Variants in RCSD1 observed in about 807,000 individuals in gnomAD.
RCSD1 encodes RCSD domain containing 1.
RCSD1 carries 26 observed loss-of-function variants against 42.5 expected under a neutral mutation model. The ratio of observed to expected loss-of-function variants is 0.61; its 90% CI spans 0.45 to 0.85. RCSD1 has a LOEUF of 0.85. Ranked by LOEUF, RCSD1 falls within the 40% of genes least tolerant of loss-of-function variation. The pLI is 0.00. For synonymous variants in RCSD1, 220 were observed against 212.2 expected (o/e 1.04, Z -0.32); for missense variants, 571 against 528.3 (o/e 1.08, Z -0.79).
chr1:167,647,015 A>G (rs1203608497), intron 1 of RCSD1, among the ~76,000 whole-genome samples: 1 of 151,870 alleles, frequency 6.6e-6, no homozygotes, highest in Non-Finnish European at 1.5e-5. Flanking sequence ...CTGTAATCCC[A>G]GCTACTTGGG....
intron 1 of RCSD1, among the ~76,000 whole-genome samples, chr1:167,636,165 C>G (rs1657846573): frequency 6.6e-6 from 1 of 152,192 alleles, no homozygotes; most frequent in Non-Finnish European, 1.5e-5. Flanking sequence ...ATGAGGCTCA[C>G]CCTGTAGAGC....
At chr1:167,675,599 C>A (rs1204222872) in intron 1 of RCSD1, among the ~76,000 whole-genome samples, 1 of 152,136 alleles carries the variant, frequency 6.6e-6, no homozygotes, top group East Asian at 1.9e-4. Context: ...AGCTGTTTGA[C>A]TTGACCCAGA....
chr1:167,669,654 C>G (rs781371308), intron 1 of RCSD1, among the ~76,000 whole-genome samples: 2 of 152,232 alleles, frequency 1.3e-5, no homozygotes, highest in African/African-American at 2.4e-5. Flanking sequence ...GTTGCAGCTA[C>G]TGAATTATTA....
intron 1 of RCSD1, among the ~76,000 whole-genome samples, chr1:167,659,017 T>C (rs1470237103): frequency 6.6e-6 from 1 of 152,196 alleles, no homozygotes; most frequent in Non-Finnish European, 1.5e-5. Context: ...TATCAATATA[T>C]GAGGGTTCCT....
chr1:167,631,129 A>G (rs900062985), intron 1 of RCSD1, among the ~76,000 whole-genome samples: 5 of 152,216 alleles, frequency 3.3e-5, no homozygotes, highest in African/African-American at 1.2e-4. Context: ...TGCCAGAGGG[A>G]GGCCCCGCAC....
chr1:167,656,818 G>T (rs915792326), intron 1 of RCSD1, among the ~76,000 whole-genome samples: 4 of 152,204 alleles, frequency 2.6e-5, no homozygotes, highest in Non-Finnish European at 5.9e-5. Context: ...ACATTGGGAA[G>T]CTCTCCCTTT....
chr1:167,654,537 G>A (rs906249784), intron 1 of RCSD1, among the ~76,000 whole-genome samples: 6 of 152,200 alleles, frequency 3.9e-5, no homozygotes, highest in African/African-American at 1.4e-4. Context: ...GGGTTAAGCA[G>A]AAGTCAACAT....
intron 1 of RCSD1, among the ~76,000 whole-genome samples, chr1:167,653,383 T>C (rs2102208620): frequency 6.6e-6 from 1 of 152,350 alleles, no homozygotes; most frequent in Admixed American, 6.5e-5. Context: ...GCAGTGGTTC[T>C]CAACTCTGGA....
chr1:167,661,048 A>G (rs1401250842), intron 1 of RCSD1, among the ~76,000 whole-genome samples: 2 of 152,222 alleles, frequency 1.3e-5, no homozygotes, highest in African/African-American at 4.8e-5. Flanking sequence ...AGCATGTTCT[A>G]TCCCCAACAT....
chr1:167,683,851 A>G lies in RCSD1; in HGVS notation c.7-49A>G, dbSNP rs773585640. 9 of 1,562,240 alleles carry G rather than the reference A, an allele frequency of 5.8e-6. No individual in the cohort carries two copies. The East Asian group carries it at 1.1e-4, about 20-fold the overall frequency. On this transcript the variant is annotated intron_variant, in intron 1 of 6. Coordinates refer to ENST00000367854, the MANE Select transcript of RCSD1 (RefSeq NM_052862.4). ...CCACAAAACAGGTGCCTTGCATGGC[A>G]TCTGGTACCCATTTGCTGATTAACT...
intron 1 of RCSD1, among the ~76,000 whole-genome samples, chr1:167,631,852 G>T (rs147971291): frequency 6.6e-6 from 1 of 152,230 alleles, no homozygotes. Context: ...CTCTAAAGGG[G>T]CAATAAGTTT....
Position 167,694,178 on chromosome 1 carries a change from C to G in RCSD1, c.350C>G (p.Pro117Arg), listed in dbSNP as rs1350745903. The G allele has an allele frequency of 1.9e-6, 3 of 1,614,194 alleles. No individual in the cohort carries two copies. The highest frequency in any genetic ancestry group is 3.3e-5 in the Admixed American group (2 of 60,032). The change falls in exon 5 of 7, where the codon CCA becomes CGA. Residue 117 changes from proline to arginine, a missense_variant. Physicochemically the swap from Pro to Arg is moderately radical, Grantham distance 103. Transcript: ENST00000367854. ...KSPGLKAMVS[P>R]FHSPPSTPSS... is the part of the protein sequence containing the mutation. ...CCTGGACTCAAGGCTATGGTGTCGC[C>G]ATTTCACAGCCCACCTTCTACCCCC...
At chr1:167,643,186 C>T (rs1658050758) in intron 1 of RCSD1, among the ~76,000 whole-genome samples, 1 of 152,148 alleles carries the variant, frequency 6.6e-6, no homozygotes, top group South Asian at 2.1e-4. Context: ...TTCACAAATG[C>T]ATGGTGGTGG....
intron 1 of RCSD1, among the ~76,000 whole-genome samples, chr1:167,673,925 A>G (rs1658873746): frequency 6.6e-6 from 1 of 152,118 alleles, no homozygotes; most frequent in Non-Finnish European, 1.5e-5. Context: ...TCCCTGATTC[A>G]CCTAAGCAGG....
chr1:167,686,407 T>C (rs766463173), intron 3 of RCSD1, among the ~76,000 whole-genome samples: 2 of 152,190 alleles, frequency 1.3e-5, no homozygotes, highest in Non-Finnish European at 2.9e-5. Context: ...AATGCCTACA[T>C]TTTCTCATCT....
chr1:167,703,873 C>A (rs1314494169), intron 6 of RCSD1, among the ~76,000 whole-genome samples: 1 of 152,150 alleles, frequency 6.6e-6, no homozygotes, highest in East Asian at 1.9e-4. Context: ...TTTAACCCAG[C>A]CCTCACTGGT....
Position 167,675,356 on chromosome 1 carries a change from G to A in RCSD1, c.7-8544G>A, listed in dbSNP as rs12736434. On this transcript the variant is annotated intron_variant, in intron 1 of 6. Coordinates refer to ENST00000367854, the MANE Select transcript of RCSD1 (RefSeq NM_052862.4). ...GAGAAGCAAAGACACGGCCTACATG[G>A]CGGCAGGCAAGAGAGCTTTTGCAGG... Among the ~76,000 whole-genome samples the A allele has an allele frequency of 9.3e-3, 1,410 of 152,234 alleles. 24 individuals are homozygous for A. The highest frequency in any genetic ancestry group is 0.039 in the Admixed American group (590 of 15,276).
chr1:167,697,711 A>C lies in RCSD1; in HGVS notation c.1087A>C (p.Lys363Gln). The change falls in exon 6 of 7, where the codon AAG (lysine) becomes CAG (glutamine). Residue 363 changes from lysine (K) to glutamine (Q), a missense_variant. Physicochemically the swap from Lys to Gln is moderately conservative, Grantham distance 53. Coordinates refer to ENST00000367854, the MANE Select transcript of RCSD1 (RefSeq NM_052862.4). ...PGGVKGGDVP[K>Q]QEKGKEKQQE... ...AGGAGTGAAGGGCGGAGATGTCCCC[A>C]AGCAGGAAAAAGGCAAGGAAAAACA... 2 of 1,595,340 alleles carry C rather than the reference A, an allele frequency of 1.3e-6. No individual in the cohort carries two copies. The highest frequency in any genetic ancestry group is 1.7e-6 in the Non-Finnish European group (2 of 1,171,956).
chr1:167,635,254 A>G (rs1429428601), intron 1 of RCSD1, among the ~76,000 whole-genome samples: 1 of 151,982 alleles, frequency 6.6e-6, no homozygotes, highest in Non-Finnish European at 1.5e-5. Context: ...GGAATTGCAC[A>G]GCCTCTGAAG....
Sources: allele counts gnomAD v4.1 joint callset (sites outside exome capture counted in the v4.1 genomes callset), GRCh38; gene constraint gnomAD v4.1.1; transcripts MANE v1.5; gene names NCBI Gene and HGNC (gene_info 2026-07-23, HGNC 2026-07-21).